PDE4B: variants seen among roughly 807,000 people sequenced by gnomAD.
PDE4B encodes the protein 3',5'-cyclic-AMP phosphodiesterase 4B.
Under a neutral mutation model 82.2 loss-of-function variants are expected in PDE4B, and 20 were observed. The observed-to-expected ratio is 0.24, with a 90% CI of 0.17 to 0.35. PDE4B has a LOEUF of 0.35. Ranked by LOEUF, PDE4B falls within the 10% of genes least tolerant of loss-of-function variation. The probability of loss-of-function intolerance (pLI) is 1.00; values close to 1 mark genes in which losing one functional copy is unlikely to be tolerated. For synonymous variants in PDE4B, 320 were observed against 318.9 expected (o/e 1.00, Z -0.04); for missense variants, 655 against 907.2 (o/e 0.72, Z 3.57).
chr1:65,886,199 G>T (rs1011332622), intron 1 of PDE4B, among the ~76,000 whole-genome samples: 3 of 151,596 alleles, frequency 2.0e-5, no homozygotes, highest in African/African-American at 7.3e-5. Context: ...AAAATGCTTT[G>T]TAAACTAGAA....
At chr1:66,244,238 G>A (rs1338718) in intron 3 of PDE4B, among the ~76,000 whole-genome samples, 31,362 of 151,988 alleles carry the variant, frequency 0.21, 6,692 homozygotes, top group African/African-American at 0.53. Context: ...ACCTGCAGGA[G>A]AAAAAATATT....
At chr1:65,825,310 C>A (rs1338532854) in intron 1 of PDE4B, among the ~76,000 whole-genome samples, 1 of 152,048 alleles carries the variant, frequency 6.6e-6, no homozygotes, top group Admixed American at 6.6e-5. Flanking sequence ...AAGGGCAAAA[C>A]CCTAAAACAA....
chr1:66,277,780 T>C (rs2101769702), intron 7 of PDE4B, among the ~76,000 whole-genome samples: 1 of 152,364 alleles, frequency 6.6e-6, no homozygotes, highest in East Asian at 1.9e-4. Flanking sequence ...ACCTGTATTT[T>C]CTCTGTAATA....
intron 3 of PDE4B, among the ~76,000 whole-genome samples, chr1:66,027,074 T>C (rs1276884660): frequency 6.6e-6 from 1 of 152,246 alleles, no homozygotes; most frequent in Non-Finnish European, 1.5e-5. Context: ...TGTATTTTAC[T>C]TTTTAATATT....
chr1:66,327,551 A>G (rs1659828473), intron 7 of PDE4B, among the ~76,000 whole-genome samples: 1 of 152,228 alleles, frequency 6.6e-6, no homozygotes, highest in Non-Finnish European at 1.5e-5. Context: ...ATTTAATACT[A>G]AAAGGTTTAC....
Position 66,124,929 on chromosome 1 carries a change from G to GTA in PDE4B, c.282-122530_282-122529insAT, listed in dbSNP as rs569579058. On this transcript the variant is annotated intron_variant, in intron 3 of 16. Transcript: ENST00000341517. Reference sequence around the variant, plus strand: ...TGTGTGTGTGTATGCGTGTGTGTGTGTGTGTGTGTGTGTGCCCTGCGATGG... The same window carrying GTA: ...TGTGTGTGTGTATGCGTGTGTGTGTGTATGTGTGTGTGTGTGCCCTGCGATGG... Among the ~76,000 whole-genome samples the GTA allele has an allele frequency of 3.6e-4, 55 of 151,532 alleles. 2 individuals are homozygous for GTA. In the East Asian group the frequency reaches 0.01, roughly 28 times the overall value.
intron 3 of PDE4B, among the ~76,000 whole-genome samples, chr1:65,921,267 C>T (rs1201662220): frequency 1.3e-5 from 2 of 151,990 alleles, no homozygotes; most frequent in Non-Finnish European, 2.9e-5. Flanking sequence ...CGCGCCCGGC[C>T]CTAAAAGCAT....
At chr1:66,060,303 A>G (rs1050215246) in intron 3 of PDE4B, among the ~76,000 whole-genome samples, 32 of 152,326 alleles carry the variant, frequency 2.1e-4, no homozygotes, top group Admixed American at 9.8e-4. Context: ...AGAAAAATAC[A>G]TAGGACCAAA....
At chr1:66,146,377 G>T (rs544346509) in intron 3 of PDE4B, among the ~76,000 whole-genome samples, 1 of 152,004 alleles carries the variant, frequency 6.6e-6, no homozygotes, top group South Asian at 2.1e-4. Flanking sequence ...TGGAGATGGG[G>T]TTTCACAGTG....
intron 3 of PDE4B, among the ~76,000 whole-genome samples, chr1:66,100,602 A>G (rs1645202772): frequency 6.6e-6 from 1 of 152,148 alleles, no homozygotes; most frequent in Non-Finnish European, 1.5e-5. Context: ...TTCCACTGGT[A>G]GCCAGCTGTG....
chr1:66,368,283 A>G, intron 15 of PDE4B: 2 of 491,498 alleles, frequency 4.1e-6, no homozygotes, highest in South Asian at 3.1e-5. Flanking sequence ...ACTGCTTATT[A>G]GTTATATAAA....
chr1:66,055,200 CT>C (rs1655232480), intron 3 of PDE4B, among the ~76,000 whole-genome samples: 1 of 152,186 alleles, frequency 6.6e-6, no homozygotes, highest in Non-Finnish European at 1.5e-5. Flanking sequence ...TAGACTCTGT[CT>C]TTGAAGGCAG....
At chr1:65,945,009 T>C (rs1648635852) in intron 3 of PDE4B, among the ~76,000 whole-genome samples, 1 of 152,004 alleles carries the variant, frequency 6.6e-6, no homozygotes. Context: ...AGGCTGCTGC[T>C]AAATCATGGA....
At chr1:65,891,618 T>C (rs759815459) in intron 1 of PDE4B, among the ~76,000 whole-genome samples, 98 of 152,066 alleles carry the variant, frequency 6.4e-4, no homozygotes, top group Non-Finnish European at 9.0e-4. Context: ...ATAAAAATGT[T>C]GAATAGATTC....
intron 3 of PDE4B, among the ~76,000 whole-genome samples, chr1:66,085,261 G>A (rs1656947584): frequency 6.6e-6 from 1 of 152,110 alleles, no homozygotes; most frequent in Non-Finnish European, 1.5e-5. Context: ...ATTGAATTAG[G>A]GAGTAAGTGG....
chr1:65,802,868 A>C (rs1487383909), intron 1 of PDE4B, among the ~76,000 whole-genome samples: 1 of 152,152 alleles, frequency 6.6e-6, no homozygotes, highest in Non-Finnish European at 1.5e-5. Flanking sequence ...AAAAAGTCAC[A>C]ATTTCCTTCT....
intron 3 of PDE4B, among the ~76,000 whole-genome samples, chr1:66,238,140 T>G (rs1652608589): frequency 6.6e-6 from 1 of 152,130 alleles, no homozygotes; most frequent in Non-Finnish European, 1.5e-5. Flanking sequence ...AGACCAACAT[T>G]TATTCATTCA....
intron 3 of PDE4B, among the ~76,000 whole-genome samples, chr1:65,972,797 A>G (rs1000426882): frequency 6.6e-6 from 1 of 152,154 alleles, no homozygotes; most frequent in African/African-American, 2.4e-5. Context: ...TAGTCTTACT[A>G]CAAGCAAGCC....
chr1:65,820,559 T>A (rs147333118), intron 1 of PDE4B, among the ~76,000 whole-genome samples: 315 of 152,260 alleles, frequency 2.1e-3, no homozygotes, highest in African/African-American at 6.5e-3. Flanking sequence ...AGAGGCAGAG[T>A]AAGAGCATAT....
Sources: gnomAD v4.1 joint callset for allele counts (sites outside exome capture counted in the v4.1 genomes callset) on GRCh38, gnomAD v4.1.1 for gene constraint, MANE v1.5 for transcripts, NCBI Gene and HGNC (gene_info 2026-07-23, HGNC 2026-07-21) for gene names.